NECAB1: variants seen among roughly 807,000 people sequenced by gnomAD.
NECAB1 encodes the protein N-terminal EF-hand calcium binding protein 1, also known as N-terminal EF-hand calcium-binding protein 1.
Under a neutral mutation model 57.5 loss-of-function variants are expected in NECAB1, and 29 were observed. The ratio of observed to expected loss-of-function variants is 0.50; its 90% CI spans 0.38 to 0.69. NECAB1 has a LOEUF of 0.69. Ranked by LOEUF, NECAB1 falls within the 30% of genes least tolerant of loss-of-function variation. The pLI is 0.00. For missense variants in NECAB1, 372 were observed against 413.8 expected (o/e 0.90, Z 0.88); for synonymous variants, 142 against 147.7 (o/e 0.96, Z 0.28).
chr8:90,944,358 G>T (rs1434653486), intron 10 of NECAB1, among the ~76,000 whole-genome samples: 1 of 152,196 alleles, frequency 6.6e-6, no homozygotes, highest in African/African-American at 2.4e-5. Flanking sequence ...GGGAGTTACA[G>T]AGGTTTTGTT....
At chr8:90,810,526 A>T (rs1811941545) in intron 2 of NECAB1, among the ~76,000 whole-genome samples, 1 of 152,242 alleles carries the variant, frequency 6.6e-6, no homozygotes, top group South Asian at 2.1e-4. Flanking sequence ...AATAATAAGA[A>T]TTGGCAGGAC....
chr8:90,794,740 A>G (rs1422932913), intron 1 of NECAB1, among the ~76,000 whole-genome samples: 9 of 152,252 alleles, frequency 5.9e-5, no homozygotes, highest in Non-Finnish European at 1.2e-4. Context: ...ATGGAAACAA[A>G]GCAAAAAGTA....
intron 12 of NECAB1, 92 bp from the exon 13 acceptor site, chr8:90,955,395 G>A (rs1811012713): frequency 1.1e-6 from 1 of 890,072 alleles, no homozygotes; most frequent in Non-Finnish European, 1.8e-6. Flanking sequence ...AAAGGTAAGG[G>A]GAATGGTCTC....
At chr8:90,799,521 CAT>C (rs1328270469) in intron 1 of NECAB1, among the ~76,000 whole-genome samples, 2 of 152,164 alleles carry the variant, frequency 1.3e-5, no homozygotes, top group Admixed American at 1.3e-4. Context: ...CATTCTTCTG[CAT>C]ATGACCTACT....
At chr8:90,826,780 G>A (rs1812232786) in intron 3 of NECAB1, among the ~76,000 whole-genome samples, 1 of 151,532 alleles carries the variant, frequency 6.6e-6, no homozygotes, top group Admixed American at 6.6e-5. Flanking sequence ...AGCCTGTTTT[G>A]CTATTTTATT....
At chr8:90,799,562 G>C (rs1198870665) in intron 1 of NECAB1, among the ~76,000 whole-genome samples, 1 of 152,062 alleles carries the variant, frequency 6.6e-6, no homozygotes, top group Non-Finnish European at 1.5e-5. Context: ...TATTGAATAG[G>C]GAATCCTTTC....
At chr8:90,793,889 G>A (rs1395922862) in intron 1 of NECAB1, among the ~76,000 whole-genome samples, 2 of 152,304 alleles carry the variant, frequency 1.3e-5, no homozygotes, top group East Asian at 1.9e-4. Context: ...CAATGTTTTC[G>A]AAGAGAAAAT....
chr8:90,940,570 G>A (rs1345343766), intron 9 of NECAB1: 5 of 486,016 alleles, frequency 1.0e-5, no homozygotes, highest in South Asian at 1.0e-4. Context: ...TAAAGAACAC[G>A]TTGTTTAGCT....
At chr8:90,880,550 T>C (rs998851853) in intron 4 of NECAB1, among the ~76,000 whole-genome samples, 3 of 150,942 alleles carry the variant, frequency 2.0e-5, no homozygotes, top group African/African-American at 4.9e-5. Context: ...AAAAAAAGAT[T>C]GTGACAGGGA....
chr8:90,917,964 A>ATG (rs1378113592), intron 6 of NECAB1, among the ~76,000 whole-genome samples: 11 of 38,970 alleles, frequency 2.8e-4, no homozygotes, highest in East Asian at 3.7e-3. Context: ...ACACACACAT[A>ATG]TGTGTGTGTG....
At chr8:90,842,061 A>G (rs898317923) in intron 3 of NECAB1, among the ~76,000 whole-genome samples, 2 of 152,196 alleles carry the variant, frequency 1.3e-5, no homozygotes, top group African/African-American at 2.4e-5. Flanking sequence ...GAGAAAGAGC[A>G]TGAGGAATAA....
rs540678366 is a variant in NECAB1, at chr8:90,798,294, A to G, written c.100-3397A>G. On this transcript the variant is annotated intron_variant, in intron 1 of 12. Transcript: ENST00000417640. ...AGCAAACCCTATTTCTTTTCTTTTT[A>G]TAACTTAAAGTTTTATTTTAGATTC... 2.6e-5 allele frequency among the ~76,000 whole-genome samples: 4 copies of G among 152,304 alleles called. No individual in the cohort carries two copies. In the South Asian group the frequency reaches 6.2e-4, roughly 24 times the overall value.
At chr8:90,944,634 C>G (rs1454101919) in intron 10 of NECAB1, among the ~76,000 whole-genome samples, 1 of 152,172 alleles carries the variant, frequency 6.6e-6, no homozygotes, top group Non-Finnish European at 1.5e-5. Context: ...TTTCAAGGAT[C>G]TTAGACTCCA....
chr8:90,937,761 G>A (rs1227945121), intron 9 of NECAB1, among the ~76,000 whole-genome samples: 1 of 152,144 alleles, frequency 6.6e-6, no homozygotes, highest in Non-Finnish European at 1.5e-5. Context: ...GCACATTGTT[G>A]TTGTAATACA....
chr8:90,851,387 G>A (rs1434311133), intron 3 of NECAB1, among the ~76,000 whole-genome samples: 1 of 152,168 alleles, frequency 6.6e-6, no homozygotes, highest in Non-Finnish European at 1.5e-5. Flanking sequence ...ACCAGCAATT[G>A]GCATCTGCAG....
chr8:90,877,370 C>G (rs1183973932), intron 4 of NECAB1, among the ~76,000 whole-genome samples: 1 of 152,112 alleles, frequency 6.6e-6, no homozygotes, highest in African/African-American at 2.4e-5. Context: ...TTGAGGATGT[C>G]ACTCTCCTTT....
chr8:90,947,237 T>TA (rs1193588191), intron 10 of NECAB1, among the ~76,000 whole-genome samples: 1 of 150,676 alleles, frequency 6.6e-6, no homozygotes, highest in Non-Finnish European at 1.5e-5. Context: ...CATTAAGGCT[T>TA]AGCTTTCATA....
chr8:90,917,868 ATATGTGTGTGTGTGCGTG>A (rs1809997697), intron 6 of NECAB1, among the ~76,000 whole-genome samples: 1 of 65,530 alleles, frequency 1.5e-5, no homozygotes, highest in African/African-American at 1.3e-4. Context: ...ATATATATAT[ATATGTGTGTGTGTGCGTG>A]TATATATATG....
chr8:90,895,381 A>G (rs549049191), intron 5 of NECAB1, among the ~76,000 whole-genome samples: 1 of 152,354 alleles, frequency 6.6e-6, no homozygotes, highest in African/African-American at 2.4e-5. Context: ...TAGTCTCAAC[A>G]CTGAGGAAGC....
Sources: allele counts gnomAD v4.1 joint callset (sites outside exome capture counted in the v4.1 genomes callset), GRCh38; gene constraint gnomAD v4.1.1; transcripts MANE v1.5; gene names NCBI Gene and HGNC (gene_info 2026-07-23, HGNC 2026-07-21).